The following LINGO2 variants were observed in gnomAD, a reference collection of about 807,000 sequenced individuals.
LINGO2 encodes leucine rich repeat and Ig domain containing 2, also known as leucine-rich repeat and immunoglobulin-like domain-containing nogo receptor-interacting protein 2.
In LINGO2, 14 loss-of-function variants were observed where a neutral mutation model predicts 30.6. The ratio of observed to expected loss-of-function variants is 0.46; its 90% CI spans 0.30 to 0.72. LINGO2 has a LOEUF of 0.72. LINGO2 is among the 30% of genes least tolerant of loss of function. LINGO2 has a pLI of 0.07. For synonymous variants in LINGO2, 317 were observed against 288.5 expected, an observed-to-expected ratio of 1.10 and a Z score of -1.00; for missense variants, 729 against 751.7, an observed-to-expected ratio of 0.97 and a Z score of 0.35.
the LINGO2 span, among the ~76,000 whole-genome samples, chr9:29,106,802 G>A: frequency 6.6e-6 from 1 of 152,196 alleles, no homozygotes; most frequent in South Asian, 2.1e-4. Flanking sequence ...TTGCAAATGA[G>A]GGAACTGAAT....
intron 4 of LINGO2, among the ~76,000 whole-genome samples, chr9:28,155,562 T>C (rs577968570): frequency 3.3e-5 from 5 of 152,308 alleles, no homozygotes; most frequent in Admixed American, 2.6e-4. Flanking sequence ...ATGAAGTTTT[T>C]TCTAAAATAT....
At chr9:29,069,546 C>T in the LINGO2 span, among the ~76,000 whole-genome samples, 1 of 151,928 alleles carries the variant, frequency 6.6e-6, no homozygotes, top group South Asian at 2.1e-4. Context: ...TGCAGAGTTC[C>T]ATATATTATG....
At chr9:28,032,546 G>A (rs1415845774) in intron 4 of LINGO2, among the ~76,000 whole-genome samples, 1 of 152,178 alleles carries the variant, frequency 6.6e-6, no homozygotes, top group Admixed American at 6.5e-5. Context: ...GTGCCTTTGG[G>A]CATTCTCATT....
At chr9:28,817,787 A>G in the LINGO2 span, among the ~76,000 whole-genome samples, 2 of 152,160 alleles carry the variant, frequency 1.3e-5, no homozygotes, top group Non-Finnish European at 2.9e-5. Context: ...GAAGATGAAA[A>G]AGCCTTATGC....
chr9:28,701,506 C>T, the LINGO2 span, among the ~76,000 whole-genome samples: 5 of 151,934 alleles, frequency 3.3e-5, no homozygotes, highest in Non-Finnish European at 5.9e-5. Context: ...TCTGTTCGAT[C>T]GATCTGTCTA....
At chr9:28,984,242 T>G in the LINGO2 span, among the ~76,000 whole-genome samples, 7 of 152,066 alleles carry the variant, frequency 4.6e-5, no homozygotes, top group Non-Finnish European at 1.0e-4. Context: ...TTCGTAATAG[T>G]TAGGGATTTT....
At chr9:28,311,871 T>C (rs1044843200) in intron 3 of LINGO2, among the ~76,000 whole-genome samples, 30 of 152,288 alleles carry the variant, frequency 2.0e-4, no homozygotes, top group Admixed American at 1.6e-3. Context: ...AGGGTATTGA[T>C]AGGGGAAGTG....
upstream of LINGO2, among the ~76,000 whole-genome samples, chr9:28,671,865 A>G (rs1829033392): frequency 6.6e-6 from 1 of 152,102 alleles, no homozygotes; most frequent in African/African-American, 2.4e-5. Flanking sequence ...TAAAGACATG[A>G]GCATTTCCTT....
intron 3 of LINGO2, among the ~76,000 whole-genome samples, chr9:28,338,500 A>G (rs1442348314): frequency 6.6e-6 from 1 of 152,120 alleles, no homozygotes; most frequent in Non-Finnish European, 1.5e-5. Flanking sequence ...ATGTGAGGAC[A>G]TGAGATTTGG....
At chr9:28,156,875 G>T (rs918589770) in intron 4 of LINGO2, among the ~76,000 whole-genome samples, 1 of 152,214 alleles carries the variant, frequency 6.6e-6, no homozygotes, top group Admixed American at 6.5e-5. Flanking sequence ...TTATATCCAG[G>T]TCATGCTGAA....
At chr9:28,848,479 C>T in the LINGO2 span, among the ~76,000 whole-genome samples, 1 of 140,226 alleles carries the variant, frequency 7.1e-6, no homozygotes, top group African/African-American at 2.6e-5. Flanking sequence ...GTTTCAGACG[C>T]TATAATTTTG....
At chr9:28,290,745 C>A (rs2134166724) in intron 4 of LINGO2, among the ~76,000 whole-genome samples, 1 of 152,192 alleles carries the variant, frequency 6.6e-6, no homozygotes, top group Admixed American at 6.5e-5. Context: ...AGTTTCAGTT[C>A]TTTGATACTT....
chr9:29,060,286 G>A, the LINGO2 span, among the ~76,000 whole-genome samples: 1 of 152,010 alleles, frequency 6.6e-6, no homozygotes, highest in African/African-American at 2.4e-5. Flanking sequence ...AAAGAAAAAA[G>A]CTAAAAAATA....
At chr9:28,166,531 T>C (rs778046959) in intron 4 of LINGO2, among the ~76,000 whole-genome samples, 2 of 152,178 alleles carry the variant, frequency 1.3e-5, no homozygotes, top group African/African-American at 4.8e-5. Context: ...TGTTGGACAG[T>C]GAAGGAAGAA....
At chr9:28,645,988 A>AT (rs1344533684) in intron 1 of LINGO2, among the ~76,000 whole-genome samples, 1 of 152,120 alleles carries the variant, frequency 6.6e-6, no homozygotes, top group Admixed American at 6.6e-5. Flanking sequence ...CTGAGCTTCA[A>AT]TTTTTTAAAT....
chr9:28,899,334 C>T, the LINGO2 span, among the ~76,000 whole-genome samples: 2 of 152,170 alleles, frequency 1.3e-5, no homozygotes, highest in Non-Finnish European at 2.9e-5. Context: ...CCAGGTTTGC[C>T]TGGCTGTCTC....
chr9:28,163,702 C>T (rs371086261), intron 4 of LINGO2, among the ~76,000 whole-genome samples: 10 of 152,136 alleles, frequency 6.6e-5, no homozygotes, highest in South Asian at 4.1e-4. Flanking sequence ...CAGATTATGA[C>T]GCCAAGTTAC....
chr9:28,106,304 C>T (rs1001977242), intron 4 of LINGO2, among the ~76,000 whole-genome samples: 3 of 152,122 alleles, frequency 2.0e-5, no homozygotes, highest in African/African-American at 7.2e-5. Flanking sequence ...GGAAGACCCA[C>T]ACAATTTAAA....
chr9:28,048,639 C>T (rs538062033), intron 4 of LINGO2, among the ~76,000 whole-genome samples: 5 of 150,632 alleles, frequency 3.3e-5, no homozygotes, highest in Admixed American at 6.7e-5. Flanking sequence ...TCTAGAATTT[C>T]TAATTATTCA....
Sources: gnomAD v4.1 joint callset for allele counts (sites outside exome capture counted in the v4.1 genomes callset) on GRCh38, gnomAD v4.1.1 for gene constraint, MANE v1.5 for transcripts, NCBI Gene and HGNC (gene_info 2026-07-23, HGNC 2026-07-21) for gene names.